MAST4: variants seen among roughly 807,000 people sequenced by gnomAD.
MAST4 encodes the protein microtubule associated serine/threonine kinase family member 4, also known as microtubule-associated serine/threonine-protein kinase 4.
MAST4 carries 89 observed loss-of-function variants against 162.7 expected under a neutral mutation model. The ratio of observed to expected loss-of-function variants is 0.55; its 90% CI spans 0.46 to 0.65. MAST4 has a LOEUF of 0.65. MAST4 is among the 30% of genes least tolerant of loss of function. MAST4 has a pLI of 0.00. For synonymous variants in MAST4, 1,479 were observed against 1,361.1 expected, an observed-to-expected ratio of 1.09 and a Z score of -1.91; for missense variants, 3,153 against 3,374.0, an observed-to-expected ratio of 0.93 and a Z score of 1.62.
chr5:67,062,254 C>T (rs1190900927), intron 5 of MAST4, among the ~76,000 whole-genome samples: 2 of 152,034 alleles, frequency 1.3e-5, no homozygotes, highest in South Asian at 2.1e-4. Context: ...AAAAATTAGC[C>T]GGGCGTGGTG....
chr5:66,840,965 A>T (rs1458325140), intron 3 of MAST4, among the ~76,000 whole-genome samples: 1 of 152,186 alleles, frequency 6.6e-6, no homozygotes, highest in Non-Finnish European at 1.5e-5. Context: ...ACTGAAGCAC[A>T]CTACTGGAAG....
chr5:66,902,473 G>T (rs1261278352), intron 4 of MAST4, among the ~76,000 whole-genome samples: 1 of 152,036 alleles, frequency 6.6e-6, no homozygotes, highest in African/African-American at 2.4e-5. Context: ...ACATTAAATT[G>T]AAAGCTTTCA....
intron 27 of MAST4, 22 bp downstream of exon 27, chr5:67,160,614 T>C (rs768636009): frequency 6.2e-7 from 1 of 1,611,210 alleles, no homozygotes; most frequent in Non-Finnish European, 8.5e-7. Flanking sequence ...CAGTATTCTT[T>C]TTAAGTTTGG....
intron 1 of MAST4, among the ~76,000 whole-genome samples, chr5:66,661,558 A>C (rs945699014): frequency 3.3e-5 from 5 of 152,202 alleles, no homozygotes; most frequent in Admixed American, 2.0e-4. Context: ...CTAATGAGAA[A>C]GAAAAGGAGG....
At chr5:66,771,780 C>G (rs1367500164) in intron 2 of MAST4, among the ~76,000 whole-genome samples, 1 of 147,942 alleles carries the variant, frequency 6.8e-6, no homozygotes, top group East Asian at 2.0e-4. Context: ...AACCTGTTAT[C>G]AAGGTGTTGA....
chr5:66,906,275 CTGAA>C (rs1763348651), intron 4 of MAST4, among the ~76,000 whole-genome samples: 1 of 152,144 alleles, frequency 6.6e-6, no homozygotes. Context: ...TTATCATGGC[CTGAA>C]CTAGTTTTTC....
At chr5:66,750,369 T>C (rs141897628) in intron 1 of MAST4, among the ~76,000 whole-genome samples, 1,559 of 152,340 alleles carry the variant, frequency 0.01, 12 homozygotes, top group South Asian at 0.05. Context: ...GATTTCTGCA[T>C]TTCCATCTGA....
At chr5:66,758,370 CTAT>C (rs1033252594) in intron 1 of MAST4, among the ~76,000 whole-genome samples, 38 of 151,258 alleles carry the variant, frequency 2.5e-4, no homozygotes, top group African/African-American at 8.7e-4. Flanking sequence ...TTTTATAGAA[CTAT>C]TATTATTAAA....
At chr5:66,863,549 T>G (rs1298384306) in intron 3 of MAST4, among the ~76,000 whole-genome samples, 7 of 152,150 alleles carry the variant, frequency 4.6e-5, no homozygotes, top group Non-Finnish European at 1.0e-4. Flanking sequence ...TCTTTCCCTT[T>G]TTCTTTTCCT....
intron 4 of MAST4, among the ~76,000 whole-genome samples, chr5:67,017,806 T>TCAGGCTGATCTGGAACTCCTAAC (rs967258704): frequency 1.3e-5 from 2 of 151,650 alleles, no homozygotes; most frequent in African/African-American, 4.8e-5. Context: ...TTCATGTTGG[T>TCAGGCTGATCTGGAACTCCTAAC]CAGGCTGATC....
chr5:67,083,732 T>C (rs966181083), intron 5 of MAST4, among the ~76,000 whole-genome samples: 2 of 152,320 alleles, frequency 1.3e-5, no homozygotes, highest in South Asian at 4.1e-4. Context: ...TTCATGAAAT[T>C]GCATGATGCT....
intron 1 of MAST4, among the ~76,000 whole-genome samples, chr5:66,711,928 C>A (rs909867788): frequency 1.2e-4 from 18 of 152,096 alleles, no homozygotes; most frequent in African/African-American, 4.3e-4. Context: ...AATTTAATCA[C>A]ACCTGTAAAG....
chr5:66,704,284 A>T (rs1363724677), intron 1 of MAST4, among the ~76,000 whole-genome samples: 1 of 152,158 alleles, frequency 6.6e-6, no homozygotes, highest in African/African-American at 2.4e-5. Context: ...AGTGTTCAAC[A>T]TCAGTTTCCT....
intron 4 of MAST4, among the ~76,000 whole-genome samples, chr5:67,053,756 T>G (rs1187751667): frequency 6.6e-6 from 1 of 152,206 alleles, no homozygotes; most frequent in African/African-American, 2.4e-5. Context: ...TTCTATGCTC[T>G]GGGTACTCAG....
At chr5:66,715,898 A>G (rs1275467120) in intron 1 of MAST4, among the ~76,000 whole-genome samples, 2 of 152,098 alleles carry the variant, frequency 1.3e-5, no homozygotes, top group Admixed American at 1.3e-4. Flanking sequence ...TAATCATTAT[A>G]AAATTATACA....
intron 4 of MAST4, among the ~76,000 whole-genome samples, chr5:67,046,613 C>T (rs372072056): frequency 6.6e-6 from 1 of 152,166 alleles, no homozygotes; most frequent in Non-Finnish European, 1.5e-5. Context: ...CTAATATCTA[C>T]ATGTTCAGCT....
At position 67,135,151 on chromosome 5, in the gene MAST4, AAAT is replaced by A. The variant is rs1769455840; in HGVS notation, c.2392+467_2392+469del. Among the ~76,000 whole-genome samples the A allele has an allele frequency of 1.3e-5, 2 of 152,244 alleles. 1 individual carries two copies. Among genetic ancestry groups the A allele is most frequent in the South Asian group, 4.1e-4 (2 of 4,838 alleles). On this transcript the variant is annotated intron_variant, in intron 18 of 28. Transcript: ENST00000403625. The stretch of plus-strand genomic sequence containing the variant: ...CTAAAACAAATGTCTACCAAATAAT[AAAT>A]AATGAGAATGGGAAAGAAGCAAGTT...
chr5:67,116,127 T>C (rs1766877007), intron 12 of MAST4, among the ~76,000 whole-genome samples: 1 of 152,186 alleles, frequency 6.6e-6, no homozygotes, highest in Non-Finnish European at 1.5e-5. Context: ...GTTTGGAGTT[T>C]AATCACTGGG....
intron 1 of MAST4, among the ~76,000 whole-genome samples, chr5:66,648,942 C>A (rs1746040170): frequency 6.6e-6 from 1 of 151,830 alleles, no homozygotes; most frequent in Admixed American, 6.6e-5. Flanking sequence ...TTTTAAAAAC[C>A]TTTAAATTTC....
Sources: allele counts gnomAD v4.1 joint callset (sites outside exome capture counted in the v4.1 genomes callset), GRCh38; gene constraint gnomAD v4.1.1; transcripts MANE v1.5; gene names NCBI Gene and HGNC (gene_info 2026-07-23, HGNC 2026-07-21).